Variants in TTC5 observed in about 807,000 individuals in gnomAD.
TTC5 encodes the protein tetratricopeptide repeat domain 5, also known as tetratricopeptide repeat protein 5.
TTC5 carries 46 observed loss-of-function variants against 57.4 expected under a neutral mutation model. The observed-to-expected ratio is 0.80, with a 90% CI of 0.63 to 1.03. The LOEUF (loss-of-function observed/expected upper bound fraction) is 1.03, where lower values mean the gene tolerates loss of function less well. TTC5 is among the 50% of genes least tolerant of loss of function. TTC5 has a pLI of 0.00. For missense variants in TTC5, 504 were observed against 528.1 expected (o/e 0.95, Z 0.45); for synonymous variants, 190 against 203.5 (o/e 0.93, Z 0.57).
At position 20,300,143 on chromosome 14, in the gene TTC5, G is replaced by GTGTGTATATATATATATATATATATATA. The variant is rs370417927; in HGVS notation, c.396+463_396+464insTATATATATATATATATATATATACACA. On this transcript the variant is annotated intron_variant, in intron 3 of 9. Transcript: ENST00000258821. ...GCATGAGTCACCACGTCTGGTCCAT[G>GTGTGTATATATATATATATATATATATA]TATATATATATATTTTTTTTTTTTT... Among the ~76,000 whole-genome samples the GTGTGTATATATATATATATATATATATA allele has an allele frequency of 1.6e-3, 44 of 27,162 alleles. 3 individuals are homozygous for GTGTGTATATATATATATATATATATATA. Among genetic ancestry groups the GTGTGTATATATATATATATATATATATA allele is most frequent in the African/African-American group, 3.4e-3 (31 of 9,206 alleles). 17.8% of individuals were successfully genotyped at this position (27,162 alleles called of 152,430 possible).
rs1881907548 is a variant in TTC5 at position 20,289,458 on chromosome 14, G to A, written c.*169C>T. Reference sequence around the variant, plus strand: ...GCCCTGTAGAGAGCTGGAACATGATGAGGACAGAGGAGAGAGAAGAGATAC... The same window carrying A: ...GCCCTGTAGAGAGCTGGAACATGATAAGGACAGAGGAGAGAGAAGAGATAC... On this transcript the variant is annotated 3_prime_UTR_variant, in exon 10 of 10. Coordinates refer to ENST00000258821, the MANE Select transcript of TTC5 (RefSeq NM_138376.3). 1.4e-6 allele frequency: 1 copy of A among 693,028 alleles called. No homozygotes were observed. Among genetic ancestry groups the A allele is most frequent in the African/African-American group, 1.8e-5 (1 of 56,074 alleles). The allele number at this position is 693,028 out of a possible 1,614,324, so 42.9% of individuals were successfully genotyped here. A position where few individuals can be genotyped will look rare whatever the true frequency, so the allele number is the denominator to read the frequency against.
chr14:20,305,660 C>A (rs995138750), intron 1 of TTC5: 9 of 586,356 alleles, frequency 1.5e-5, no homozygotes, highest in Non-Finnish European at 3.0e-6. Context: ...AGCAACAAAT[C>A]TTCTTCCATA....
intron 8 of TTC5, chr14:20,292,650 T>G (rs1881982543): frequency 6.6e-6 from 1 of 152,256 alleles, no homozygotes; most frequent in Non-Finnish European, 1.5e-5. Context: ...GAATGACCTA[T>G]AGTCTAGCAG....
chr14:20,302,791 A>C (rs1226914619), intron 1 of TTC5, among the ~76,000 whole-genome samples: 2 of 152,256 alleles, frequency 1.3e-5, no homozygotes, highest in African/African-American at 4.8e-5. Context: ...ACACACAGTC[A>C]AAATGCGGTC....
intron 9 of TTC5, 100 bp from the exon 10 acceptor site, chr14:20,289,846 T>G (rs1049504904): frequency 3.2e-6 from 4 of 1,265,516 alleles, no homozygotes; most frequent in Non-Finnish European, 4.3e-6. Flanking sequence ...CCACCTCCCC[T>G]GTTGTATACC....
intron 2 of TTC5, among the ~76,000 whole-genome samples, 183 bp from the exon 3 acceptor site, chr14:20,301,001 G>A (rs1321074693): frequency 6.6e-6 from 1 of 152,200 alleles, no homozygotes; most frequent in Non-Finnish European, 1.5e-5. Flanking sequence ...AGGCAACAAA[G>A]AAAGCACTAT....
chr14:20,295,789 G>C lies in TTC5; in HGVS notation c.762C>G (p.Asp254Glu). Residue 254 changes from aspartate to glutamate, a missense_variant, in exon 7 of 10, where the codon GAC becomes GAG. Coordinates refer to ENST00000258821, the MANE Select transcript of TTC5 (RefSeq NM_138376.3). ...LEGFSRAAAL[D>E]PAWPEPRQRE... The stretch of plus-strand genomic sequence containing the variant: ...GTTGCCGGGGCTCTGGCCAGGCAGG[G>C]TCCAGGGCTGCAGCCCGAGAGAAGC... 5 of 1,612,822 alleles carry C rather than the reference G, an allele frequency of 3.1e-6. No homozygotes were observed. Among genetic ancestry groups the C allele is most frequent in the Non-Finnish European group, 4.2e-6 (5 of 1,179,686 alleles).
At position 20,295,349 on chromosome 14, in the gene TTC5, C is replaced by T. The variant is rs757960908; in HGVS notation, c.1021G>A (p.Val341Met). The T allele has an allele frequency of 6.2e-7, 1 of 1,614,080 alleles. No homozygotes were observed. The highest frequency in any genetic ancestry group is 8.5e-7 in the Non-Finnish European group (1 of 1,180,052). ...TCCTCTGTGGTGAGGCTAAATACCA[C>T]CTTTCCCAGGATGACGGCACCGCTG... ...VNSGAVILGKVVFSLTTEEKV... is the reference protein window; with the variant it reads ...VNSGAVILGKMVFSLTTEEKV... The change falls in exon 8 of 10, where the codon GTG (valine) becomes ATG (methionine). Residue 341 changes from valine (V) to methionine (M), a missense_variant. Val to Met is a conservative substitution (Grantham distance 21, BLOSUM62 1). Transcript: ENST00000258821.
intron 8 of TTC5, chr14:20,292,865 T>C (rs755920255): frequency 2.6e-5 from 4 of 152,126 alleles, no homozygotes; most frequent in Non-Finnish European, 5.9e-5. Flanking sequence ...CCAGCTGGGT[T>C]AAAAGAGAAA....
Position 20,295,983 on chromosome 14 carries a change from A to C in TTC5, c.697-129T>G, listed in dbSNP as rs1882054587. 14 of 930,468 alleles carry C rather than the reference A, an allele frequency of 1.5e-5. No individual in the cohort carries two copies. In the South Asian group the frequency reaches 2.8e-4, roughly 18 times the overall value. The allele number at this position is 930,468 out of a possible 1,614,324, so 57.6% of individuals were successfully genotyped here. ...TGGTTATTTTCCTGTGCTGCAACAA[A>C]CAGCCTGAAGAGCTGGTAACACCTT... is the stretch of plus-strand genomic sequence containing the variant. On this transcript the variant is annotated intron_variant, in intron 6 of 9. Coordinates refer to ENST00000258821, the MANE Select transcript of TTC5 (RefSeq NM_138376.3).
At position 20,291,968 on chromosome 14, in the gene TTC5, C is replaced by T. The variant is rs1298912432; in HGVS notation, c.1203+15G>A. 6.4e-7 allele frequency: 1 copy of T among 1,551,042 alleles called. No individual in the cohort carries two copies. Among genetic ancestry groups the T allele is most frequent in the African/African-American group, 1.4e-5 (1 of 72,700 alleles). On this transcript the variant is annotated intron_variant, in intron 9 of 9. Transcript: ENST00000258821. ...AGAGCCTACGAGTTGTAAGAGAATC[C>T]TAGCCATTGCTCACCTTTCCTTTGT... is the stretch of plus-strand genomic sequence containing the variant.
chr14:20,299,553 TTTTTG>T (rs1378437595), intron 3 of TTC5, 105 bp from the exon 4 acceptor site: 35 of 1,364,172 alleles, frequency 2.6e-5, no homozygotes, highest in African/African-American at 8.6e-5. Flanking sequence ...CTTTCTAAGT[TTTTTG>T]TTTTGTTTTG....
At chr14:20,305,462 TTGCAG>T (rs1566393912) in intron 1 of TTC5, 2 of 179,736 alleles carry the variant, frequency 1.1e-5, no homozygotes, top group African/African-American at 2.4e-5. Flanking sequence ...ACCAGGACAC[TTGCAG>T]TGCAGGTCAT....
rs766195464 is a variant in TTC5 at position 20,296,429 on chromosome 14, T to G, written c.657A>C (p.Lys219Asn). 10 of 1,612,586 alleles carry G rather than the reference T, an allele frequency of 6.2e-6. No individual in the cohort carries two copies. The South Asian group carries it at 1.1e-4, about 18-fold the overall frequency. The change falls in exon 6 of 10, where the codon AAA (lysine) becomes AAC (asparagine). Residue 219 changes from lysine (K) to asparagine (N), a missense_variant. Coordinates refer to ENST00000258821, the MANE Select transcript of TTC5 (RefSeq NM_138376.3). ...AYAQAEKVDR[K>N]ASSNPDLHLN... is the part of the protein sequence containing the mutation. Reference sequence around the variant, plus strand: ...GATGAAGGTCAGGATTGCTAGAAGCTTTTCTGTCAACTTTCTCCTATAATG... The same window carrying G: ...GATGAAGGTCAGGATTGCTAGAAGCGTTTCTGTCAACTTTCTCCTATAATG...
chr14:20,305,811 G>A (rs1348583049), intron 1 of TTC5, 76 bp downstream of exon 1: 5 of 1,386,452 alleles, frequency 3.6e-6, no homozygotes, highest in Admixed American at 1.7e-5. Context: ...AGGAATTCAC[G>A]GGCAGTACAT....
chr14:20,298,212 G>T (rs891848398), intron 5 of TTC5, among the ~76,000 whole-genome samples: 1 of 152,204 alleles, frequency 6.6e-6, no homozygotes, highest in Non-Finnish European at 1.5e-5. Context: ...CTCAAAGTCT[G>T]AGGGAAAGCC....
In TTC5 at chr14:20,298,852, G is replaced by A; in HGVS notation, c.584C>T (p.Ser195Phe). The A allele has an allele frequency of 6.2e-7, 1 of 1,613,934 alleles. No homozygotes were observed. Among genetic ancestry groups the A allele is most frequent in the Non-Finnish European group, 8.5e-7 (1 of 1,179,818 alleles). The change falls in exon 5 of 10, where the codon TCT (serine) becomes TTT (phenylalanine). Residue 195 changes from serine (S) to phenylalanine (F), a missense_variant. Transcript: ENST00000258821. ...GGAGATCTTAGGGTTCTGGCCAGTA[G>A]AGAAGTAAAGGGAAAGATATGAATT... ...LGNSYLSLYFSTGQNPKISQQ... is the reference protein window; with the variant it reads ...LGNSYLSLYFFTGQNPKISQQ...
Position 20,289,567 on chromosome 14 carries a change from C to A in TTC5, c.*60G>T. 6.5e-7 allele frequency: 1 copy of A among 1,546,652 alleles called. No homozygotes were observed. The highest frequency in any genetic ancestry group is 8.7e-7 in the Non-Finnish European group (1 of 1,146,362). ...TGCTGAATCACTGGATGTGGCTGGA[C>A]CGGCTGTCCAGAGCCTTGTCTCCTC... On this transcript the variant is annotated 3_prime_UTR_variant, in exon 10 of 10. Coordinates refer to ENST00000258821, the MANE Select transcript of TTC5 (RefSeq NM_138376.3).
Position 20,287,044 on chromosome 14 carries a change from G to C in TTC5, c.*2583C>G, listed in dbSNP as rs1241490686. ...GGGTGACTCATCTATTGATAGTAGA[G>C]ACATAAACTAATATAAGCACTTTGG... On this transcript the variant is annotated 3_prime_UTR_variant, in exon 10 of 10. Coordinates refer to ENST00000258821, the MANE Select transcript of TTC5 (RefSeq NM_138376.3). 1.3e-5 allele frequency: 2 copies of C among 152,178 alleles called. No homozygotes were observed. The highest frequency in any genetic ancestry group is 2.4e-5 in the African/African-American group (1 of 41,448). The allele number at this position is 152,178 out of a possible 1,614,324, so 9.4% of individuals were successfully genotyped here.
Sources: gnomAD v4.1 joint callset for allele counts (sites outside exome capture counted in the v4.1 genomes callset) on GRCh38, gnomAD v4.1.1 for gene constraint, MANE v1.5 for transcripts, NCBI Gene and HGNC (gene_info 2026-07-23, HGNC 2026-07-21) for gene names.